Variants in PIK3CA observed in about 807,000 individuals in gnomAD.
The protein encoded by PIK3CA is phosphatidylinositol 4,5-bisphosphate 3-kinase catalytic subunit alpha isoform.
A neutral mutation model predicts 138.2 loss-of-function variants in PIK3CA; 27 were observed. The observed-to-expected ratio is 0.20, with a 90% CI of 0.14 to 0.27. PIK3CA has a LOEUF of 0.27. Ranked by LOEUF, PIK3CA falls within the 10% of genes least tolerant of loss-of-function variation. The pLI is 1.00. For missense variants in PIK3CA, 544 were observed against 1,277.4 expected (o/e 0.43, Z 8.75); for synonymous variants, 358 against 413.2 (o/e 0.87, Z 1.62).
At chr3:179,156,932 GAGGTTAATGTCTTTGGCA>G in intron 1 of PIK3CA, among the ~76,000 whole-genome samples, 1 of 152,116 alleles carries the variant, frequency 6.6e-6, no homozygotes, top group Admixed American at 6.6e-5. Flanking sequence ...TTTTTCTTAG[GAGGTTAATGTCTTTGGCA>G]AGCTAAACAT....
rs1451783656 is a variant in PIK3CA, at chr3:179,219,916, C to T, written c.1912-33C>T. The stretch of plus-strand genomic sequence containing the variant: ...TTTCTTTAGATCGGCCATGCAGAAA[C>T]TGACCCTGATTTGTTTTTTTGGAAT... On this transcript the variant is annotated intron_variant, in intron 12 of 20. Coordinates refer to ENST00000263967, the MANE Select transcript of PIK3CA (RefSeq NM_006218.4). This position sits in a 1 kb window ranked among gnomAD's most constrained non-coding sequence, Gnocchi z 4.2. 3 of 1,605,368 alleles carry T rather than the reference C, an allele frequency of 1.9e-6. No individual in the cohort carries two copies. The highest frequency in any genetic ancestry group is 2.5e-6 in the Non-Finnish European group (3 of 1,177,196).
chr3:179,212,696 C>T (rs905430136), intron 9 of PIK3CA, among the ~76,000 whole-genome samples: 2 of 152,034 alleles, frequency 1.3e-5, no homozygotes, highest in African/African-American at 4.8e-5. Flanking sequence ...CCTCCCCTAC[C>T]TCCCAAAGTG....
chr3:179,214,711 A>G (rs577232993), intron 9 of PIK3CA, among the ~76,000 whole-genome samples: 2 of 152,290 alleles, frequency 1.3e-5, no homozygotes, highest in South Asian at 2.1e-4. Context: ...TGGAAATGCA[A>G]TATCTGTGAG....
At chr3:179,215,872 G>A (rs1282002570) in intron 9 of PIK3CA, among the ~76,000 whole-genome samples, 1 of 152,160 alleles carries the variant, frequency 6.6e-6, no homozygotes, top group Non-Finnish European at 1.5e-5. Context: ...CTAGAGCAGA[G>A]TTTCCCAACC....
intron 6 of PIK3CA, among the ~76,000 whole-genome samples, chr3:179,208,990 T>G (rs887595664): frequency 7.3e-6 from 1 of 137,826 alleles, no homozygotes; most frequent in Admixed American, 7.2e-5. Flanking sequence ...TATAAATATA[T>G]AGAAATAATA....
Position 179,210,496 on chromosome 3 carries a change from A to G in PIK3CA, c.1470A>G (p.Ser490=), listed in dbSNP as rs760113268. ...FSSVVKFPDM[S]VIEEHANWSV... ...GTGTGGTAAAGTTCCCAGATATGTCAGTGATTGAAGAGCATGCCAATTGGT... is the reference window on the plus strand; with the variant it reads ...GTGTGGTAAAGTTCCCAGATATGTCGGTGATTGAAGAGCATGCCAATTGGT... Residue 490 remains serine, a synonymous_variant, in exon 9 of 21, where the codon TCA becomes TCG. Transcript: ENST00000263967. 1.2e-6 allele frequency: 2 copies of G among 1,614,064 alleles called. No individual in the cohort carries two copies. The highest frequency in any genetic ancestry group is 8.5e-7 in the Non-Finnish European group (1 of 1,179,932).
intron 1 of PIK3CA, among the ~76,000 whole-genome samples, chr3:179,151,412 C>A (rs1004268823): frequency 2.0e-5 from 3 of 152,176 alleles, no homozygotes; most frequent in Non-Finnish European, 4.4e-5. Flanking sequence ...ATCTCCATTT[C>A]CTATATTTGC....
chr3:179,200,018 G>T, intron 3 of PIK3CA, 119 bp downstream of exon 3: 2 of 598,250 alleles, frequency 3.3e-6, no homozygotes, highest in South Asian at 4.8e-5. Context: ...TTGAAGGCAG[G>T]GACTGCTTAT....
chr3:179,209,807 A>G (rs1371393707), intron 7 of PIK3CA, 107 bp downstream of exon 7: 1 of 529,796 alleles, frequency 1.9e-6, no homozygotes, highest in Non-Finnish European at 3.2e-6. Context: ...TTAAGAAAAT[A>G]ATAATAAACC....
intron 1 of PIK3CA, among the ~76,000 whole-genome samples, chr3:179,150,739 A>G (rs1233123514): frequency 2.0e-5 from 3 of 152,246 alleles, no homozygotes; most frequent in African/African-American, 7.2e-5. Flanking sequence ...GTATCCCCTT[A>G]AAAAACCAAA....
chr3:179,192,593 G>A (rs1392550379), intron 1 of PIK3CA, among the ~76,000 whole-genome samples: 1 of 152,204 alleles, frequency 6.6e-6, no homozygotes, highest in Non-Finnish European at 1.5e-5. Context: ...ACATTACAGG[G>A]ATCAGCAAAC....
At chr3:179,207,234 T>C (rs6803219) in intron 6 of PIK3CA, among the ~76,000 whole-genome samples, 39,091 of 152,184 alleles carry the variant, frequency 0.26, 5,970 homozygotes, top group African/African-American at 0.42. Flanking sequence ...ATGATTTCTT[T>C]GTAAATGTTA....
chr3:179,224,065 C>CTT lies in PIK3CA; in HGVS notation c.2188-8_2188-7dup. On this transcript the variant is annotated splice_polypyrimidine_tract_variant and intron_variant, in intron 14 of 20. Transcript: ENST00000263967. ...AAGTCAGTTTCTTACTGTGACTATC[C>CTT]TTTTTTTTTAATCAGGTACAGATGA... 5.1e-6 allele frequency: 7 copies of CTT among 1,382,664 alleles called. No individual in the cohort carries two copies. Among genetic ancestry groups the CTT allele is most frequent in the South Asian group, 1.2e-5 (1 of 82,458 alleles). 85.6% of individuals were successfully genotyped at this position (1,382,664 alleles called of 1,614,324 possible).
chr3:179,174,869 T>A (rs1475844536), intron 1 of PIK3CA, among the ~76,000 whole-genome samples: 1 of 152,258 alleles, frequency 6.6e-6, no homozygotes, highest in African/African-American at 2.4e-5. Context: ...CTCAGAAATC[T>A]GCTTAGTTAC....
chr3:179,198,618 A>T, intron 1 of PIK3CA, 132 bp from the exon 2 acceptor site: 1 of 395,888 alleles, frequency 2.5e-6, no homozygotes, highest in East Asian at 3.7e-5. Context: ...TAGAATACTT[A>T]AGATGAATTA....
At chr3:179,211,469 A>G (rs1056814286) in intron 9 of PIK3CA, among the ~76,000 whole-genome samples, 8 of 152,128 alleles carry the variant, frequency 5.3e-5, no homozygotes, top group African/African-American at 1.7e-4. Context: ...TCAGAGTTCA[A>G]AACCAGCCTG....
chr3:179,199,926 T>C, intron 3 of PIK3CA, 27 bp downstream of exon 3: 1 of 1,359,882 alleles, frequency 7.4e-7, no homozygotes, highest in Non-Finnish European at 1.1e-6. Flanking sequence ...TCTACTCTAA[T>C]CATTACTATA....
At chr3:179,183,330 G>A (rs1366653173) in intron 1 of PIK3CA, among the ~76,000 whole-genome samples, 3 of 152,192 alleles carry the variant, frequency 2.0e-5, no homozygotes, top group South Asian at 4.1e-4. Context: ...AATTTTTACT[G>A]TATATCATGT....
chr3:179,226,695 G>A (rs924288571), intron 17 of PIK3CA, among the ~76,000 whole-genome samples: 2 of 152,056 alleles, frequency 1.3e-5, no homozygotes, highest in African/African-American at 4.8e-5. Context: ...AGGAATTGCA[G>A]GTAACACCAG....
Sources: gnomAD v4.1 joint callset for allele counts (sites outside exome capture counted in the v4.1 genomes callset) on GRCh38, gnomAD v4.1.1 for gene constraint, Gnocchi (gnomAD v3.1) non-coding constraint, MANE v1.5 for transcripts, NCBI Gene and HGNC (gene_info 2026-07-23, HGNC 2026-07-21) for gene names.